The following DTNBP1 variants were observed in gnomAD, a reference collection of about 807,000 sequenced individuals.
DTNBP1 encodes dystrobrevin binding protein 1.
A neutral mutation model predicts 42.8 loss-of-function variants in DTNBP1; 35 were observed. The observed-to-expected ratio is 0.82, with a 90% CI of 0.63 to 1.09. DTNBP1 has a LOEUF of 1.09. DTNBP1 is among the 50% of genes least tolerant of loss of function. DTNBP1 has a pLI of 0.00. For missense variants in DTNBP1, 457 were observed against 424.2 expected, an observed-to-expected ratio of 1.08 and a Z score of -0.68; for synonymous variants, 171 against 162.2, an observed-to-expected ratio of 1.05 and a Z score of -0.41.
chr6:15,633,649 C>G (rs2113757652), intron 4 of DTNBP1, among the ~76,000 whole-genome samples: 1 of 152,304 alleles, frequency 6.6e-6, no homozygotes, highest in South Asian at 2.1e-4. Flanking sequence ...TGCTATCAAA[C>G]AGCATTGCAT....
intron 3 of DTNBP1, among the ~76,000 whole-genome samples, chr6:15,642,430 C>T (rs1760425707): frequency 1.3e-5 from 2 of 152,212 alleles, no homozygotes; most frequent in South Asian, 4.1e-4. Flanking sequence ...CTTCCCGCCA[C>T]CATCCCCTGC....
chr6:15,523,883 T>A, intron 9 of DTNBP1: 1 of 1,287,186 alleles, frequency 7.8e-7, no homozygotes, highest in Non-Finnish European at 1.0e-6. Context: ...GTGGTAATGG[T>A]AGAACCTTCT....
At chr6:15,575,031 G>A (rs1216861683) in intron 7 of DTNBP1, among the ~76,000 whole-genome samples, 1 of 152,148 alleles carries the variant, frequency 6.6e-6, no homozygotes, top group Non-Finnish European at 1.5e-5. Context: ...TGCCATACTA[G>A]CCCAAACTGT....
At chr6:15,532,948 C>T (rs760145472) in intron 8 of DTNBP1, among the ~76,000 whole-genome samples, 15 of 152,154 alleles carry the variant, frequency 9.9e-5, no homozygotes, top group Non-Finnish European at 1.9e-4. Context: ...ATCTGCCTGC[C>T]TTGGCCTGCC....
At chr6:15,623,789 CTG>C (rs1399017267) in intron 5 of DTNBP1, among the ~76,000 whole-genome samples, 1 of 152,140 alleles carries the variant, frequency 6.6e-6, no homozygotes, top group Non-Finnish European at 1.5e-5. Flanking sequence ...TTAAAAAGCA[CTG>C]TGGTTTTTCA....
In DTNBP1 at chr6:15,522,987, G is replaced by A. The variant is rs972961523; in HGVS notation, c.1044C>T (p.Asp348=). Reference sequence around the variant, plus strand: ...CCCATGTCCCAATTTAAGAGTCGCTGTCCTCACCACCATCCGGAGTGGCCT... The same window carrying A: ...CCCATGTCCCAATTTAAGAGTCGCTATCCTCACCACCATCCGGAGTGGCCT... ...DREATPDGGE[D]SDS Residue 348 remains aspartate, a synonymous_variant, in exon 10 of 10, where the codon GAC becomes GAT. Transcript: ENST00000344537. 1 of 1,614,206 alleles carries A rather than the reference G, an allele frequency of 6.2e-7. No homozygotes were observed. The highest frequency in any genetic ancestry group is 1.7e-5 in the Admixed American group (1 of 60,022).
intron 7 of DTNBP1, among the ~76,000 whole-genome samples, chr6:15,572,294 C>T (rs903879558): frequency 6.6e-6 from 1 of 152,138 alleles, no homozygotes; most frequent in Non-Finnish European, 1.5e-5. Context: ...TCAAACCCAC[C>T]CAGTGTGTCT....
intron 8 of DTNBP1, among the ~76,000 whole-genome samples, chr6:15,527,915 A>G (rs1181195483): frequency 6.6e-6 from 1 of 152,228 alleles, no homozygotes; most frequent in Admixed American, 6.5e-5. Context: ...GTAAATCTCT[A>G]TAACTATCAG....
chr6:15,541,917 C>T (rs1379853898), intron 7 of DTNBP1, among the ~76,000 whole-genome samples: 1 of 151,732 alleles, frequency 6.6e-6, no homozygotes, highest in Admixed American at 6.6e-5. Flanking sequence ...AAAAAGGCCC[C>T]CAAACCTCTG....
At position 15,524,467 on chromosome 6, in the gene DTNBP1, T is replaced by C. The variant is rs16876573; in HGVS notation, c.811+59A>G. ...GCAGATGGTTCTCACGTCTCACCTT[T>C]GGAGGGGAGTGGCATCGATACTGCC... On this transcript the variant is annotated intron_variant, in intron 9 of 9. Coordinates refer to ENST00000344537, the MANE Select transcript of DTNBP1 (RefSeq NM_032122.5). 65,283 of 1,613,570 alleles carry C rather than the reference T, an allele frequency of 0.04. 1,618 individuals are homozygous for C. Among genetic ancestry groups the C allele is most frequent in the South Asian group, 0.071 (6,477 of 91,068 alleles).
intron 1 of DTNBP1, among the ~76,000 whole-genome samples, chr6:15,653,774 G>C (rs1447253031): frequency 2.6e-5 from 4 of 152,062 alleles, no homozygotes; most frequent in African/African-American, 9.7e-5. Flanking sequence ...TGAAAATATA[G>C]GCCACAGTAC....
chr6:15,660,379 G>A, intron 1 of DTNBP1: 1 of 1,289,768 alleles, frequency 7.8e-7, no homozygotes, highest in Non-Finnish European at 1.0e-6. Flanking sequence ...AGGAAATTGA[G>A]GACCTGAAGA....
At chr6:15,537,890 T>A (rs770598606) in intron 7 of DTNBP1, among the ~76,000 whole-genome samples, 10 of 152,186 alleles carry the variant, frequency 6.6e-5, no homozygotes, top group African/African-American at 2.4e-4. Flanking sequence ...TGTGTGAAAA[T>A]GGACTCATAC....
chr6:15,637,420 G>T (rs1044346679), intron 4 of DTNBP1, among the ~76,000 whole-genome samples: 1 of 152,048 alleles, frequency 6.6e-6, no homozygotes, highest in Non-Finnish European at 1.5e-5. Flanking sequence ...CTTATATAGG[G>T]TATAAAGAGA....
At chr6:15,535,527 A>G (rs1378295277) in intron 7 of DTNBP1, among the ~76,000 whole-genome samples, 4 of 152,126 alleles carry the variant, frequency 2.6e-5, no homozygotes, top group Admixed American at 1.3e-4. Flanking sequence ...CATGTTGGTC[A>G]GGCTGGTCTC....
At chr6:15,535,053 A>C (rs922308348) in intron 7 of DTNBP1, among the ~76,000 whole-genome samples, 3 of 152,162 alleles carry the variant, frequency 2.0e-5, no homozygotes, top group African/African-American at 7.2e-5. Context: ...CCCAAATCTC[A>C]TATCGAATTG....
chr6:15,612,439 CAT>C (rs1269149469), intron 6 of DTNBP1, among the ~76,000 whole-genome samples: 2 of 152,136 alleles, frequency 1.3e-5, no homozygotes, highest in East Asian at 1.9e-4. Context: ...GTATTGCTAT[CAT>C]ATGTTTCCAA....
intron 3 of DTNBP1, among the ~76,000 whole-genome samples, chr6:15,638,678 T>C (rs547769964): frequency 6.6e-6 from 1 of 152,286 alleles, no homozygotes; most frequent in Admixed American, 6.5e-5. Flanking sequence ...TCAACAGTAA[T>C]GAGACACATC....
intron 5 of DTNBP1, among the ~76,000 whole-genome samples, chr6:15,624,206 C>A (rs2113729315): frequency 6.6e-6 from 1 of 152,302 alleles, no homozygotes; most frequent in Middle Eastern, 3.4e-3. Context: ...ATTTTGCAGA[C>A]AAGAAAACTA....
Sources: allele counts gnomAD v4.1 joint callset (sites outside exome capture counted in the v4.1 genomes callset), GRCh38; gene constraint gnomAD v4.1.1; transcripts MANE v1.5; gene names NCBI Gene and HGNC (gene_info 2026-07-23, HGNC 2026-07-21).